KLHDC10: variants seen among roughly 807,000 people sequenced by gnomAD.
KLHDC10 encodes kelch domain containing 10, also known as kelch domain-containing protein 10.
Under a neutral mutation model 56.1 loss-of-function variants are expected in KLHDC10, and 24 were observed. That is an observed-to-expected ratio of 0.43 (90% CI 0.31 to 0.60). The LOEUF is 0.60. KLHDC10 is among the 20% of genes least tolerant of loss of function. The pLI is 0.11. For missense variants in KLHDC10, 349 were observed against 567.0 expected (o/e 0.62, Z 3.91); for synonymous variants, 188 against 207.1 (o/e 0.91, Z 0.79).
At chr7:130,118,693 T>C (rs1373270429) in intron 3 of KLHDC10, among the ~76,000 whole-genome samples, 1 of 152,164 alleles carries the variant, frequency 6.6e-6, no homozygotes, top group Non-Finnish European at 1.5e-5. Flanking sequence ...TTAGATACGG[T>C]AGACTCTTCC....
chr7:130,128,185 G>T (rs1363014723), intron 8 of KLHDC10, among the ~76,000 whole-genome samples: 1 of 152,218 alleles, frequency 6.6e-6, no homozygotes, highest in Non-Finnish European at 1.5e-5. Flanking sequence ...AAGATTTATA[G>T]ATAATGACAT....
In KLHDC10 at chr7:130,128,384, A is replaced by G. The variant is rs944399841; in HGVS notation, c.979+933A>G. Reference sequence around the variant, plus strand: ...ACAAATAGAATTCAACCTTAGTTCTAGGCATTTCGTTTGAAGGTTCACATA... The same window carrying G: ...ACAAATAGAATTCAACCTTAGTTCTGGGCATTTCGTTTGAAGGTTCACATA... On this transcript the variant is annotated intron_variant, in intron 8 of 9. Coordinates refer to ENST00000335420, the MANE Select transcript of KLHDC10 (RefSeq NM_014997.4). Among the ~76,000 whole-genome samples the G allele has an allele frequency of 2.6e-5, 4 of 152,346 alleles. No individual in the cohort carries two copies. In the South Asian group the frequency reaches 8.3e-4, roughly 32 times the overall value.
rs530194245 is a variant in KLHDC10, at chr7:130,072,031, A to G, written c.166+1222A>G. Among the ~76,000 whole-genome samples the G allele has an allele frequency of 4.6e-5, 7 of 152,324 alleles. 1 individual carries two copies. In the South Asian group the frequency reaches 1.4e-3, roughly 32 times the overall value. On this transcript the variant is annotated intron_variant, in intron 1 of 9. Coordinates refer to ENST00000335420, the MANE Select transcript of KLHDC10 (RefSeq NM_014997.4). ...TTTGTAAGTAGTCATATAATATACCAGAAGTTGGGTTTGAGACGTTAATAT... is the reference window on the plus strand; with the variant it reads ...TTTGTAAGTAGTCATATAATATACCGGAAGTTGGGTTTGAGACGTTAATAT...
intron 1 of KLHDC10, among the ~76,000 whole-genome samples, chr7:130,077,599 A>G (rs1584616770): frequency 8.5e-6 from 1 of 118,146 alleles, no homozygotes; most frequent in Non-Finnish European, 1.6e-5. Flanking sequence ...TCTGTCGCCC[A>G]GGCTGGAGTG....
In KLHDC10 at chr7:130,134,285, G is replaced by A. The variant is rs541486810; in HGVS notation, c.*3539G>A. On this transcript the variant is annotated 3_prime_UTR_variant, in exon 10 of 10. Transcript: ENST00000335420. The stretch of plus-strand genomic sequence containing the variant: ...CCAGTGACCATATAAGCAGCTGATT[G>A]CCTGTAATTAGTCAGGCTGAACAAT... 6.6e-6 allele frequency: 1 copy of A among 152,292 alleles called. No individual in the cohort carries two copies. The highest frequency in any genetic ancestry group is 2.4e-5 in the African/African-American group (1 of 41,556). 9.4% of individuals were successfully genotyped at this position (152,292 alleles called of 1,614,324 possible). A position where few individuals can be genotyped will look rare whatever the true frequency, so the allele number is the denominator to read the frequency against.
chr7:130,109,330 A>G (rs1299031601), intron 2 of KLHDC10, among the ~76,000 whole-genome samples: 1 of 151,174 alleles, frequency 6.6e-6, no homozygotes, highest in Admixed American at 6.6e-5. Flanking sequence ...GCGATCCTCC[A>G]GCCCACCTCA....
At chr7:130,112,227 A>G (rs891558704) in intron 2 of KLHDC10, among the ~76,000 whole-genome samples, 1 of 152,168 alleles carries the variant, frequency 6.6e-6, no homozygotes, top group Non-Finnish European at 1.5e-5. Flanking sequence ...TCAGACAGCT[A>G]GCTTCTTTCT....
chr7:130,100,350 T>C (rs773188491), intron 2 of KLHDC10, among the ~76,000 whole-genome samples: 2 of 152,182 alleles, frequency 1.3e-5, no homozygotes, highest in African/African-American at 2.4e-5. Context: ...ATAGCACTTA[T>C]TGCACTGAAT....
chr7:130,115,169 G>T (rs1427972691), intron 2 of KLHDC10, among the ~76,000 whole-genome samples: 1 of 152,104 alleles, frequency 6.6e-6, no homozygotes. Flanking sequence ...TGTTTATTAG[G>T]TGTCTAGCGT....
intron 1 of KLHDC10, among the ~76,000 whole-genome samples, chr7:130,083,245 A>G (rs1795633969): frequency 6.6e-6 from 1 of 152,226 alleles, no homozygotes; most frequent in African/African-American, 2.4e-5. Context: ...GAGTCAAGCC[A>G]GAAATGTGGG....
At chr7:130,083,737 G>A (rs1457661265) in intron 1 of KLHDC10, among the ~76,000 whole-genome samples, 2 of 152,166 alleles carry the variant, frequency 1.3e-5, no homozygotes, top group African/African-American at 4.8e-5. Flanking sequence ...GCGACAGTGA[G>A]ACTCCATCTC....
chr7:130,120,393 A>T lies in KLHDC10; in HGVS notation c.476-356A>T, dbSNP rs1290045976. On this transcript the variant is annotated intron_variant, in intron 3 of 9. Transcript: ENST00000335420. The surrounding 1 kb of genome is among the most constrained non-coding windows in gnomAD (Gnocchi z 5.1). ...TCTGCAGAACTTTGTAGTATAGGCTATGTATCCCTTATCTGAAATGCTTGG... is the reference window on the plus strand; with the variant it reads ...TCTGCAGAACTTTGTAGTATAGGCTTTGTATCCCTTATCTGAAATGCTTGG... Among the ~76,000 whole-genome samples, 25 of 152,208 alleles carry T rather than the reference A, an allele frequency of 1.6e-4. No homozygotes were observed. Among genetic ancestry groups the T allele is most frequent in the Admixed American group, 1.6e-3 (25 of 15,278 alleles).
chr7:130,080,001 GTGCAAT>G (rs145273765), intron 1 of KLHDC10, among the ~76,000 whole-genome samples: 7,763 of 150,412 alleles, frequency 0.052, 249 homozygotes, highest in South Asian at 0.12. Context: ...GAGTGCAGTG[GTGCAAT>G]CATAGTTCAC....
chr7:130,116,719 G>T lies in KLHDC10; in HGVS notation c.475+53G>T. The T allele has an allele frequency of 1.4e-6, 2 of 1,379,572 alleles. No individual in the cohort carries two copies. The highest frequency in any genetic ancestry group is 2.1e-6 in the Non-Finnish European group (2 of 967,890). 85.5% of individuals were successfully genotyped at this position (1,379,572 alleles called of 1,614,324 possible). ...ACTTTATGAAATGTCTGAGAAGCCA[G>T]GTTCAATGTCCCATATTCCTCATTA... On this transcript the variant is annotated intron_variant, in intron 3 of 9. Coordinates refer to ENST00000335420, the MANE Select transcript of KLHDC10 (RefSeq NM_014997.4). The surrounding 1 kb of genome is among the most constrained non-coding windows in gnomAD (Gnocchi z 4.8).
rs1796400975 is a variant in KLHDC10, at chr7:130,131,563, T to A, written c.*817T>A. The A allele has an allele frequency of 6.6e-6, 1 of 152,220 alleles. No individual in the cohort carries two copies. Among genetic ancestry groups the A allele is most frequent in the Non-Finnish European group, 1.5e-5 (1 of 68,052 alleles). The allele number at this position is 152,220 out of a possible 1,614,324, so 9.4% of individuals were successfully genotyped here. A position where few individuals can be genotyped will look rare whatever the true frequency, so the allele number is the denominator to read the frequency against. On this transcript the variant is annotated 3_prime_UTR_variant, in exon 10 of 10. Coordinates refer to ENST00000335420, the MANE Select transcript of KLHDC10 (RefSeq NM_014997.4). ...TTCTTCATTCTGGCAGTTTTGAAACTCTCTTATGCTTATTAATGGTTTTAA... is the reference window on the plus strand; with the variant it reads ...TTCTTCATTCTGGCAGTTTTGAAACACTCTTATGCTTATTAATGGTTTTAA...
intron 2 of KLHDC10, among the ~76,000 whole-genome samples, chr7:130,107,192 C>A (rs1563102446): frequency 6.6e-6 from 1 of 152,092 alleles, no homozygotes; most frequent in South Asian, 2.1e-4. Flanking sequence ...AAAAACGAGA[C>A]AAAGATGTCC....
intron 3 of KLHDC10, chr7:130,117,551 A>G (rs1337095504): frequency 1.7e-5 from 3 of 173,966 alleles, no homozygotes; most frequent in Non-Finnish European, 3.6e-5. Flanking sequence ...AGTAGATTCT[A>G]TCTCAAGAAA....
chr7:130,091,664 C>T (rs900548815), intron 1 of KLHDC10, among the ~76,000 whole-genome samples: 7 of 152,164 alleles, frequency 4.6e-5, no homozygotes, highest in Admixed American at 2.0e-4. Flanking sequence ...CTCTCAGCCT[C>T]CCTTCCTACC....
At chr7:130,082,008 CATTA>C (rs1795615114) in intron 1 of KLHDC10, among the ~76,000 whole-genome samples, 1 of 152,044 alleles carries the variant, frequency 6.6e-6, no homozygotes, top group African/African-American at 2.4e-5. Flanking sequence ...AATACAAACT[CATTA>C]ATTAAAATTT....
Sources: gnomAD v4.1 joint callset for allele counts (sites outside exome capture counted in the v4.1 genomes callset) on GRCh38, gnomAD v4.1.1 for gene constraint, Gnocchi (gnomAD v3.1) non-coding constraint, MANE v1.5 for transcripts, NCBI Gene and HGNC (gene_info 2026-07-23, HGNC 2026-07-21) for gene names.